IFT57: variants seen among roughly 807,000 people sequenced by gnomAD.
IFT57 encodes the protein intraflagellar transport 57, also known as intraflagellar transport protein 57 homolog.
In IFT57, 59 loss-of-function variants were observed where a neutral mutation model predicts 56.8. The observed-to-expected ratio is 1.04, with a 90% CI of 0.84 to 1.29. The LOEUF is 1.29. IFT57 is among the 50% of genes most tolerant of loss of function. The pLI is 0.00. For synonymous variants in IFT57, 209 were observed against 186.1 expected (o/e 1.12, Z -1.00); for missense variants, 470 against 522.1 (o/e 0.90, Z 0.97).
chr3:108,178,321 A>G (rs2080134738), intron 6 of IFT57, among the ~76,000 whole-genome samples: 1 of 151,920 alleles, frequency 6.6e-6, no homozygotes, highest in South Asian at 2.1e-4. Flanking sequence ...GGGCAAAACA[A>G]TAAAGCTTAA....
intron 6 of IFT57, among the ~76,000 whole-genome samples, chr3:108,191,245 T>A (rs750315352): frequency 2.0e-4 from 31 of 152,206 alleles, no homozygotes; most frequent in Non-Finnish European, 1.9e-4. Context: ...CATAATATGA[T>A]TTCCCAGAAA....
intron 8 of IFT57, 64 bp from the exon 9 acceptor site, chr3:108,165,557 C>A (rs2080057658): frequency 1.5e-6 from 2 of 1,297,686 alleles, no homozygotes; most frequent in Admixed American, 1.7e-5. Flanking sequence ...ATACGACTGA[C>A]CTCTTTGTGT....
chr3:108,194,150 A>C (rs1308905396), intron 5 of IFT57, among the ~76,000 whole-genome samples: 3 of 152,204 alleles, frequency 2.0e-5, no homozygotes, highest in Non-Finnish European at 4.4e-5. Context: ...AAATTCAGTA[A>C]CATTATAGGG....
At chr3:108,169,858 A>G (rs2080083273) in intron 6 of IFT57, among the ~76,000 whole-genome samples, 2 of 152,068 alleles carry the variant, frequency 1.3e-5, no homozygotes, top group South Asian at 4.1e-4. Flanking sequence ...ACAAATCAAT[A>G]AATGTAATCC....
At chr3:108,189,965 C>T (rs986523891) in intron 6 of IFT57, among the ~76,000 whole-genome samples, 1 of 151,982 alleles carries the variant, frequency 6.6e-6, no homozygotes, top group African/African-American at 2.4e-5. Flanking sequence ...AGATCTTTAT[C>T]CTCATTGTCT....
At chr3:108,176,732 T>C (rs11917179) in intron 6 of IFT57, among the ~76,000 whole-genome samples, 13,939 of 151,858 alleles carry the variant, frequency 0.092, 707 homozygotes, top group Middle Eastern at 0.12. Flanking sequence ...CAGTACAGTT[T>C]CTTCTGTGTT....
chr3:108,162,526 C>T lies in IFT57; in HGVS notation c.1241G>A (p.Arg414Lys). The change falls in exon 11 of 11, where the codon AGG becomes AAG. Residue 414 changes from arginine to lysine, a missense_variant. By Grantham distance (26) the Arg-to-Lys change is conservative. Transcript: ENST00000264538. ...SKLKEKSNMT[R>K]NMHATVIPEP... Reference sequence around the variant, plus strand: ...TGGAATAACTGTGGCATGCATGTTCCTAGTCATGTTGGACTTCTCCTTCAG... The same window carrying T: ...TGGAATAACTGTGGCATGCATGTTCTTAGTCATGTTGGACTTCTCCTTCAG... 3.3e-5 allele frequency: 53 copies of T among 1,611,466 alleles called. No homozygotes were observed. Among genetic ancestry groups the T allele is most frequent in the Non-Finnish European group, 4.3e-5 (51 of 1,178,316 alleles).
At chr3:108,205,161 C>T (rs535298535) in intron 5 of IFT57, among the ~76,000 whole-genome samples, 16 of 152,052 alleles carry the variant, frequency 1.1e-4, no homozygotes, top group East Asian at 1.9e-4. Context: ...AGATTTCAGA[C>T]GGGGAAATAT....
At chr3:108,166,819 C>T in intron 8 of IFT57, 35 bp downstream of exon 8, 1 of 1,591,406 alleles carries the variant, frequency 6.3e-7, no homozygotes, top group South Asian at 1.1e-5. Flanking sequence ...GGGTTGTTAA[C>T]TTGAATAAAT....
chr3:108,214,546 G>A (rs1189586015), intron 3 of IFT57, among the ~76,000 whole-genome samples: 1 of 151,990 alleles, frequency 6.6e-6, no homozygotes, highest in Non-Finnish European at 1.5e-5. Context: ...CTTCCAAAAT[G>A]TTACCCTAAT....
intron 6 of IFT57, among the ~76,000 whole-genome samples, chr3:108,182,086 A>T (rs2080154031): frequency 6.6e-6 from 1 of 152,080 alleles, no homozygotes; most frequent in South Asian, 2.1e-4. Flanking sequence ...ATCCTAACTA[A>T]CAACCAGAGT....
intron 5 of IFT57, among the ~76,000 whole-genome samples, chr3:108,199,453 G>A (rs572906138): frequency 6.8e-4 from 104 of 152,256 alleles, no homozygotes; most frequent in Admixed American, 1.1e-3. Context: ...AACTGAAATA[G>A]GAATGAATAT....
At chr3:108,197,866 C>T (rs2080251960) in intron 5 of IFT57, among the ~76,000 whole-genome samples, 1 of 152,018 alleles carries the variant, frequency 6.6e-6, no homozygotes, top group South Asian at 2.1e-4. Context: ...CTCGGAGTAC[C>T]CATCTGTAAA....
At chr3:108,179,422 C>A (rs899268575) in intron 6 of IFT57, among the ~76,000 whole-genome samples, 1 of 151,972 alleles carries the variant, frequency 6.6e-6, no homozygotes, top group Non-Finnish European at 1.5e-5. Context: ...GGAAATACTT[C>A]TCGGACAAAA....
chr3:108,193,580 T>C (rs914501860), intron 5 of IFT57, among the ~76,000 whole-genome samples: 2 of 152,188 alleles, frequency 1.3e-5, no homozygotes, highest in Non-Finnish European at 2.9e-5. Context: ...CATTTAAATA[T>C]GGAAACATTG....
At chr3:108,211,828 C>G (rs543524250) in intron 4 of IFT57, among the ~76,000 whole-genome samples, 25 of 152,196 alleles carry the variant, frequency 1.6e-4, no homozygotes, top group African/African-American at 5.8e-4. Flanking sequence ...CATAATTCTC[C>G]TACCCATAAT....
chr3:108,207,859 C>G (rs1430822225), intron 4 of IFT57, among the ~76,000 whole-genome samples: 1 of 151,938 alleles, frequency 6.6e-6, no homozygotes, highest in Non-Finnish European at 1.5e-5. Flanking sequence ...CTGGCTAACA[C>G]AGTGAAACCC....
Position 108,214,571 on chromosome 3 carries a change from A to G in IFT57, c.495-550T>C, listed in dbSNP as rs762865275. ...GTTACCCTAATTTAGACTCCAAACA[A>G]TACTGAAGGAGAGTAACTCCATCTC... On this transcript the variant is annotated intron_variant, in intron 3 of 10. Coordinates refer to ENST00000264538, the MANE Select transcript of IFT57 (RefSeq NM_018010.4). Among the ~76,000 whole-genome samples the G allele has an allele frequency of 2.6e-4, 39 of 152,258 alleles. No individual in the cohort carries two copies. The Middle Eastern group carries it at 0.01, about 40-fold the overall frequency.
intron 6 of IFT57, among the ~76,000 whole-genome samples, chr3:108,188,008 A>AT (rs143904562): frequency 0.096 from 14,515 of 151,304 alleles, 754 homozygotes; most frequent in Middle Eastern, 0.12. Context: ...TTACGTATGT[A>AT]GCATGTGCCA....
Sources: gnomAD v4.1 joint callset for allele counts (sites outside exome capture counted in the v4.1 genomes callset) on GRCh38, gnomAD v4.1.1 for gene constraint, MANE v1.5 for transcripts, NCBI Gene and HGNC (gene_info 2026-07-23, HGNC 2026-07-21) for gene names.